The following NCKAP5 variants were observed in gnomAD, a reference collection of about 807,000 sequenced individuals.
NCKAP5 encodes the protein nck-associated protein 5.
In NCKAP5, 92 loss-of-function variants were observed where a neutral mutation model predicts 167.0. That is an observed-to-expected ratio of 0.55 (90% CI 0.47 to 0.66). NCKAP5 has a LOEUF of 0.66. NCKAP5 is among the 30% of genes least tolerant of loss of function. The pLI is 0.00. For synonymous variants in NCKAP5, 891 were observed against 877.4 expected, an observed-to-expected ratio of 1.02 and a Z score of -0.27; for missense variants, 2,378 against 2,315.0, an observed-to-expected ratio of 1.03 and a Z score of -0.56.
intron 19 of NCKAP5, among the ~76,000 whole-genome samples, chr2:132,702,714 C>T (rs1687997874): frequency 6.6e-6 from 1 of 152,106 alleles, no homozygotes; most frequent in Non-Finnish European, 1.5e-5. Flanking sequence ...TCATCACTCC[C>T]AATCAAACTA....
chr2:133,650,982 A>G, the NCKAP5 span, among the ~76,000 whole-genome samples: 1 of 152,202 alleles, frequency 6.6e-6, no homozygotes. Context: ...TCACAGGCAA[A>G]AGAATGAAAT....
intron 3 of NCKAP5, among the ~76,000 whole-genome samples, chr2:133,352,945 G>A (rs186293832): frequency 7.2e-5 from 11 of 152,328 alleles, no homozygotes; most frequent in African/African-American, 2.6e-4. Flanking sequence ...AATATTTAAA[G>A]TCGGCTGCTT....
chr2:133,436,066 C>A (rs1482977303), intron 3 of NCKAP5, among the ~76,000 whole-genome samples: 3 of 152,242 alleles, frequency 2.0e-5, no homozygotes, highest in Non-Finnish European at 4.4e-5. Context: ...CCATCCCATA[C>A]ATGCAATTAA....
intron 6 of NCKAP5, among the ~76,000 whole-genome samples, chr2:133,064,147 A>G (rs2080107661): frequency 6.6e-6 from 1 of 152,242 alleles, no homozygotes; most frequent in Non-Finnish European, 1.5e-5. Context: ...TCGAACTCAC[A>G]CCATCTTTGT....
chr2:132,981,599 T>C (rs1415105095), intron 7 of NCKAP5, among the ~76,000 whole-genome samples: 1 of 152,222 alleles, frequency 6.6e-6, no homozygotes, highest in African/African-American at 2.4e-5. Context: ...AATTAGTCTA[T>C]TGAATAAGTC....
intron 11 of NCKAP5, among the ~76,000 whole-genome samples, chr2:132,858,456 G>A (rs1052167026): frequency 6.6e-6 from 1 of 152,184 alleles, no homozygotes; most frequent in African/African-American, 2.4e-5. Context: ...TGGAATGATT[G>A]TATTTTAGCT....
At chr2:133,414,792 T>C (rs1689001628) in intron 3 of NCKAP5, among the ~76,000 whole-genome samples, 1 of 152,080 alleles carries the variant, frequency 6.6e-6, no homozygotes, top group African/African-American at 2.4e-5. Context: ...CTATGAAGGG[T>C]GGAATATTAT....
intron 3 of NCKAP5, among the ~76,000 whole-genome samples, chr2:133,387,112 C>G (rs144874567): frequency 2.8e-4 from 43 of 152,114 alleles, no homozygotes; most frequent in Admixed American, 2.8e-3. Flanking sequence ...TTATTTTGCT[C>G]GTTAGTTGAT....
chr2:133,391,510 T>C (rs1243309975), intron 3 of NCKAP5: 1 of 152,194 alleles, frequency 6.6e-6, no homozygotes, highest in East Asian at 1.9e-4. Flanking sequence ...CAGACCCATA[T>C]GTCAAAATGG....
intron 5 of NCKAP5, among the ~76,000 whole-genome samples, chr2:133,139,574 T>C (rs1202874484): frequency 6.6e-6 from 1 of 152,172 alleles, no homozygotes; most frequent in Non-Finnish European, 1.5e-5. Context: ...TTGGTTTTAA[T>C]TTGATTCTGA....
At chr2:133,161,282 G>A (rs897765966) in intron 5 of NCKAP5, among the ~76,000 whole-genome samples, 4 of 152,050 alleles carry the variant, frequency 2.6e-5, no homozygotes, top group Admixed American at 1.3e-4. Context: ...GTTCCTCTAT[G>A]AGACTGGAGC....
intron 6 of NCKAP5, among the ~76,000 whole-genome samples, chr2:132,998,921 T>C (rs2077692618): frequency 6.6e-6 from 1 of 152,196 alleles, no homozygotes; most frequent in African/African-American, 2.4e-5. Context: ...CCTTAATTCA[T>C]GTCTTCTAGC....
chr2:133,552,505 A>G lies in NCKAP5; in HGVS notation c.-62+6545T>C, dbSNP rs562912759. On this transcript the variant is annotated intron_variant, in intron 2 of 19. Coordinates refer to ENST00000409261, the MANE Select transcript of NCKAP5 (RefSeq NM_207363.3). The stretch of plus-strand genomic sequence containing the variant: ...TAAACTATCGCAAGAACAAAAAACC[A>G]AACACCGCATATTCTCACTCATAGG... 2.9e-3 allele frequency among the ~76,000 whole-genome samples: 431 copies of G among 146,108 alleles called. 2 individuals carry two copies. Among genetic ancestry groups the G allele is most frequent in the Non-Finnish European group, 4.9e-3 (330 of 66,816 alleles).
intron 6 of NCKAP5, among the ~76,000 whole-genome samples, chr2:133,026,560 C>T (rs2078705577): frequency 2.6e-5 from 4 of 152,088 alleles, no homozygotes; most frequent in Admixed American, 2.6e-4. Flanking sequence ...CTGAACAAAC[C>T]ATAAAGACTT....
At chr2:133,389,833 C>G (rs1401647774) in intron 3 of NCKAP5, among the ~76,000 whole-genome samples, 1 of 152,214 alleles carries the variant, frequency 6.6e-6, no homozygotes, top group Non-Finnish European at 1.5e-5. Context: ...CACACAGTTA[C>G]TTGGCTTTTT....
intron 3 of NCKAP5, among the ~76,000 whole-genome samples, chr2:133,481,986 C>T (rs1680489764): frequency 6.6e-6 from 1 of 152,180 alleles, no homozygotes; most frequent in African/African-American, 2.4e-5. Flanking sequence ...ACCCTCTCCT[C>T]TAACTCATGC....
At chr2:133,217,072 A>G (rs2150186554) in intron 4 of NCKAP5, among the ~76,000 whole-genome samples, 2 of 152,244 alleles carry the variant, frequency 1.3e-5, no homozygotes. Context: ...ATTGCCTCGG[A>G]CCTGAGAGGC....
intron 6 of NCKAP5, chr2:133,118,071 C>CA (rs2082136775): frequency 1.3e-5 from 2 of 152,128 alleles, no homozygotes; most frequent in Admixed American, 6.6e-5. Context: ...GCACATGCTT[C>CA]AATACTCATC....
Position 132,784,973 on chromosome 2 carries a change from G to T in NCKAP5, c.1838C>A (p.Ser613Tyr). The T allele has an allele frequency of 6.2e-7, 1 of 1,613,522 alleles. No homozygotes were observed. The highest frequency in any genetic ancestry group is 8.5e-7 in the Non-Finnish European group (1 of 1,179,642). ...DVSLAADTDKSVENLDVLVGF... is the reference protein window; with the variant it reads ...DVSLAADTDKYVENLDVLVGF... ...CACAAGGACATCCAGGTTCTCCACGGACTTATCGGTGTCGGCAGCCAATGA... is the reference window on the plus strand; with the variant it reads ...CACAAGGACATCCAGGTTCTCCACGTACTTATCGGTGTCGGCAGCCAATGA... Residue 613 changes from serine to tyrosine, a missense_variant, in exon 14 of 20, where the codon TCC becomes TAC. Coordinates refer to ENST00000409261, the MANE Select transcript of NCKAP5 (RefSeq NM_207363.3).
Sources: gnomAD v4.1 joint callset for allele counts (sites outside exome capture counted in the v4.1 genomes callset) on GRCh38, gnomAD v4.1.1 for gene constraint, MANE v1.5 for transcripts, NCBI Gene and HGNC (gene_info 2026-07-23, HGNC 2026-07-21) for gene names.